GALNT18: variants seen among roughly 807,000 people sequenced by gnomAD.
GALNT18 encodes the protein polypeptide N-acetylgalactosaminyltransferase 18.
In GALNT18, 44 loss-of-function variants were observed where a neutral mutation model predicts 69.5. The ratio of observed to expected loss-of-function variants is 0.63; its 90% CI spans 0.50 to 0.81. GALNT18 has a LOEUF of 0.81. GALNT18 is among the 40% of genes least tolerant of loss of function. The pLI is 0.00. For missense variants in GALNT18, 715 were observed against 810.0 expected (o/e 0.88, Z 1.42); for synonymous variants, 364 against 318.2 (o/e 1.14, Z -1.53).
intron 6 of GALNT18, among the ~76,000 whole-genome samples, chr11:11,343,910 G>A (rs1326306713): frequency 4.6e-5 from 7 of 152,062 alleles, no homozygotes; most frequent in East Asian, 1.9e-4. Flanking sequence ...TACAAGGAGC[G>A]GCATGACTGT....
rs985575196 is a variant in GALNT18, at chr11:11,496,073, G to T, written c.236-47137C>A. Among the ~76,000 whole-genome samples, 3 of 152,238 alleles carry T rather than the reference G, an allele frequency of 2.0e-5. No individual in the cohort carries two copies. Among genetic ancestry groups the T allele is most frequent in the Admixed American group, 2.0e-4 (3 of 15,282 alleles). ...GAGGCTCAGGAAGAACAAGTAACTTGTCTAAGGACACACAGCAAAGAATAA... is the reference window on the plus strand; with the variant it reads ...GAGGCTCAGGAAGAACAAGTAACTTTTCTAAGGACACACAGCAAAGAATAA... On this transcript the variant is annotated intron_variant, in intron 1 of 10. Transcript: ENST00000227756. The surrounding 1 kb of genome is among the most constrained non-coding windows in gnomAD (Gnocchi z 4.0).
At chr11:11,329,431 T>C (rs1171084014) in intron 8 of GALNT18, among the ~76,000 whole-genome samples, 4 of 152,262 alleles carry the variant, frequency 2.6e-5, no homozygotes, top group South Asian at 2.1e-4. Context: ...AGCTCCACTC[T>C]CCTCCCTGTC....
At chr11:11,593,753 A>T (rs1859419600) in intron 1 of GALNT18, among the ~76,000 whole-genome samples, 1 of 152,132 alleles carries the variant, frequency 6.6e-6, no homozygotes. Context: ...ACACAGCAAG[A>T]CCCCATTTCT....
At chr11:11,455,705 C>T (rs567670582) in intron 1 of GALNT18, among the ~76,000 whole-genome samples, 2 of 152,320 alleles carry the variant, frequency 1.3e-5, no homozygotes, top group African/African-American at 4.8e-5. Flanking sequence ...GTCTGAAAGC[C>T]TTGGGATTAG....
chr11:11,290,991 C>T (rs1020000390), intron 10 of GALNT18, among the ~76,000 whole-genome samples: 5 of 152,236 alleles, frequency 3.3e-5, no homozygotes, highest in African/African-American at 1.2e-4. Flanking sequence ...ACTTGAGAAA[C>T]AACAGCCATC....
rs757621533 is a variant in GALNT18, at chr11:11,496,758, A to G, written c.236-47822T>C. On this transcript the variant is annotated intron_variant, in intron 1 of 10. Transcript: ENST00000227756. The surrounding 1 kb of genome is among the most constrained non-coding windows in gnomAD (Gnocchi z 4.0). ...ATCCACCCACCTGGCTGCTTCTGCT[A>G]TCCCCACTGCAGTGGTCTGAACCCC... Among the ~76,000 whole-genome samples the G allele has an allele frequency of 2.0e-5, 3 of 150,782 alleles. No homozygotes were observed. Among genetic ancestry groups the G allele is most frequent in the Non-Finnish European group, 4.4e-5 (3 of 67,790 alleles).
intron 1 of GALNT18, among the ~76,000 whole-genome samples, chr11:11,487,556 C>A (rs1164694662): frequency 6.6e-6 from 1 of 152,186 alleles, no homozygotes; most frequent in Admixed American, 6.5e-5. Context: ...ATCTGTGCAT[C>A]CTTTCAGCTG....
rs1310504406 is a variant in GALNT18 at position 11,511,190 on chromosome 11, T to C, written c.236-62254A>G. ...GGTTTCTCGCTGTGAATAATGGCAT[T>C]GAAGTATTCAAGGGCTGCATTCAGG... On this transcript the variant is annotated intron_variant, in intron 1 of 10. Transcript: ENST00000227756. The surrounding 1 kb of genome is among the most constrained non-coding windows in gnomAD (Gnocchi z 4.9). Among the ~76,000 whole-genome samples the C allele has an allele frequency of 2.0e-5, 3 of 152,104 alleles. No homozygotes were observed. The highest frequency in any genetic ancestry group is 4.4e-5 in the Non-Finnish European group (3 of 68,016).
intron 1 of GALNT18, among the ~76,000 whole-genome samples, chr11:11,472,189 A>C (rs1290173819): frequency 2.0e-5 from 3 of 152,208 alleles, no homozygotes; most frequent in Non-Finnish European, 4.4e-5. Flanking sequence ...GATGGGGGCC[A>C]TGTCTCCCAC....
chr11:11,601,904 G>A lies in GALNT18; in HGVS notation c.235+19455C>T, dbSNP rs1439210202. Among the ~76,000 whole-genome samples the A allele has an allele frequency of 6.6e-6, 1 of 152,144 alleles. No homozygotes were observed. The highest frequency in any genetic ancestry group is 6.6e-5 in the Admixed American group (1 of 15,266). ...CACAATTTCTAAGAACCTATCAACA[G>A]CATTACTGTGTTGATAGGAGAACTT... On this transcript the variant is annotated intron_variant, in intron 1 of 10. Transcript: ENST00000227756. This position sits in a 1 kb window ranked among gnomAD's most constrained non-coding sequence, Gnocchi z 4.0.
In GALNT18 at chr11:11,542,822, C is replaced by T. The variant is rs766924437; in HGVS notation, c.235+78537G>A. Among the ~76,000 whole-genome samples, 2 of 152,192 alleles carry T rather than the reference C, an allele frequency of 1.3e-5. No individual in the cohort carries two copies. Among genetic ancestry groups the T allele is most frequent in the Admixed American group, 6.5e-5 (1 of 15,282 alleles). On this transcript the variant is annotated intron_variant, in intron 1 of 10. Transcript: ENST00000227756. This position sits in a 1 kb window ranked among gnomAD's most constrained non-coding sequence, Gnocchi z 4.3. ...GATAGCACTTTCCAACACTTTGGTG[C>T]TAAGGTTTTGTTTTGTTTTGCTTTG...
intron 1 of GALNT18, among the ~76,000 whole-genome samples, chr11:11,533,519 G>C (rs980568385): frequency 1.3e-5 from 2 of 152,198 alleles, no homozygotes; most frequent in Non-Finnish European, 2.9e-5. Flanking sequence ...CTCAGAGACA[G>C]ACACATGTAC....
intron 1 of GALNT18, among the ~76,000 whole-genome samples, chr11:11,548,559 C>T (rs532709426): frequency 6.6e-6 from 1 of 152,354 alleles, no homozygotes; most frequent in South Asian, 2.1e-4. Context: ...GAGCCAGACC[C>T]TCCCCATTTG....
At position 11,402,879 on chromosome 11, in the gene GALNT18, A is replaced by T. The variant is rs1040079585; in HGVS notation, c.596-23615T>A. On this transcript the variant is annotated intron_variant, in intron 3 of 10. Transcript: ENST00000227756. This position sits in a 1 kb window ranked among gnomAD's most constrained non-coding sequence, Gnocchi z 4.0. ...CCCCACGGGCCCCGGAGATGGTGTA[A>T]TGCTTGTTTCTCTTTGGAGTTAGCA... Among the ~76,000 whole-genome samples, 2 of 152,202 alleles carry T rather than the reference A, an allele frequency of 1.3e-5. No individual in the cohort carries two copies. Among genetic ancestry groups the T allele is most frequent in the Non-Finnish European group, 2.9e-5 (2 of 68,034 alleles).
chr11:11,353,140 A>C (rs1295311812), intron 6 of GALNT18: 2 of 1,613,226 alleles, frequency 1.2e-6, no homozygotes, highest in Admixed American at 3.3e-5. Context: ...TTGGCGGACA[A>C]AGCTGGACTT....
At chr11:11,486,450 A>T (rs966204690) in intron 1 of GALNT18, among the ~76,000 whole-genome samples, 1 of 152,234 alleles carries the variant, frequency 6.6e-6, no homozygotes, top group Non-Finnish European at 1.5e-5. Context: ...TGAGGAGTAG[A>T]TCTGAAAGTT....
intron 10 of GALNT18, among the ~76,000 whole-genome samples, chr11:11,279,592 C>T (rs1406388837): frequency 9.8e-6 from 1 of 102,384 alleles, no homozygotes; most frequent in Non-Finnish European, 2.3e-5. Context: ...AAAACTATAG[C>T]TATACTCGAT....
In GALNT18 at chr11:11,377,996, A is replaced by G. The variant is rs1414456063; in HGVS notation, c.780-617T>C. Among the ~76,000 whole-genome samples the G allele has an allele frequency of 1.3e-5, 2 of 152,256 alleles. No individual in the cohort carries two copies. Among genetic ancestry groups the G allele is most frequent in the East Asian group, 3.9e-4 (2 of 5,186 alleles). On this transcript the variant is annotated intron_variant, in intron 4 of 10. Coordinates refer to ENST00000227756, the MANE Select transcript of GALNT18 (RefSeq NM_198516.3). The surrounding 1 kb of genome is among the most constrained non-coding windows in gnomAD (Gnocchi z 4.6). ...CCAGGCGAGTAAAGTGTTTGCAGGC[A>G]GGAATAAGCTTCTCATTAATAATAC... is the stretch of plus-strand genomic sequence containing the variant.
rs763737194 is a variant in GALNT18 at position 11,432,673 on chromosome 11, C to T, written c.543G>A (p.Thr181=). 1.7e-5 allele frequency: 28 copies of T among 1,612,470 alleles called. No individual in the cohort carries two copies. Among genetic ancestry groups the T allele is most frequent in the South Asian group, 1.3e-4 (12 of 90,508 alleles). ...LRSIHSAMER[T]PPHLLKEIIL... Reference sequence around the variant, plus strand: ...TGATCTCCTTGAGCAGATGTGGGGGCGTGCGTTCCATGGCCGAGTGGATGG... The same window carrying T: ...TGATCTCCTTGAGCAGATGTGGGGGTGTGCGTTCCATGGCCGAGTGGATGG... Residue 181 remains threonine (T), a synonymous_variant, in exon 3 of 11, where the codon ACG becomes ACA. Coordinates refer to ENST00000227756, the MANE Select transcript of GALNT18 (RefSeq NM_198516.3). This position sits in a 1 kb window ranked among gnomAD's most constrained non-coding sequence, Gnocchi z 5.8.
Sources: allele counts gnomAD v4.1 joint callset (sites outside exome capture counted in the v4.1 genomes callset), GRCh38; gene constraint gnomAD v4.1.1; non-coding constraint Gnocchi (gnomAD v3.1); transcripts MANE v1.5; gene names NCBI Gene and HGNC (gene_info 2026-07-23, HGNC 2026-07-21).